Variants in STAT4 observed in about 807,000 individuals in gnomAD.
The protein encoded by STAT4 is signal transducer and activator of transcription 4.
A neutral mutation model predicts 110.5 loss-of-function variants in STAT4; 42 were observed. The observed-to-expected ratio is 0.38, with a 90% confidence interval of 0.30 to 0.49. The LOEUF (loss-of-function observed/expected upper bound fraction) is 0.49, where lower values mean the gene tolerates loss of function less well. STAT4 is among the 20% of genes least tolerant of loss of function. STAT4 has a pLI of 0.95. For missense variants in STAT4, 632 were observed against 887.9 expected, an observed-to-expected ratio of 0.71 and a Z score of 3.66; for synonymous variants, 284 against 302.2, an observed-to-expected ratio of 0.94 and a Z score of 0.63.
Position 191,077,321 on chromosome 2 carries a change from G to C in STAT4, c.274-996C>G, listed in dbSNP as rs780993818. Among the ~76,000 whole-genome samples the C allele has an allele frequency of 4.6e-5, 7 of 152,132 alleles. No individual in the cohort carries two copies. The highest frequency in any genetic ancestry group is 1.0e-4 in the Non-Finnish European group (7 of 68,032). On this transcript the variant is annotated intron_variant, in intron 3 of 23. Transcript: ENST00000392320. This position sits in a 1 kb window ranked among gnomAD's most constrained non-coding sequence, Gnocchi z 4.1. ...AGCACTCATTTACCTTACCTGCAAG[G>C]CCTCTGTAGGTGTCTGAGTTTTCTA...
chr2:191,108,220 G>A (rs1053871558), intron 3 of STAT4, among the ~76,000 whole-genome samples: 5 of 151,814 alleles, frequency 3.3e-5, no homozygotes, highest in African/African-American at 4.8e-5. Context: ...GAACCCGGGA[G>A]GTAGAGGTTA....
At chr2:191,132,810 A>T (rs1038768008) in intron 3 of STAT4, among the ~76,000 whole-genome samples, 1 of 146,058 alleles carries the variant, frequency 6.8e-6, no homozygotes. Context: ...GCTGGAGTGC[A>T]GTGGCGTGAT....
In STAT4 at chr2:191,142,794, G is replaced by A. The variant is rs565248154; in HGVS notation, c.273+3819C>T. Among the ~76,000 whole-genome samples the A allele has an allele frequency of 3.9e-5, 6 of 152,186 alleles. No individual in the cohort carries two copies. The highest frequency in any genetic ancestry group is 2.1e-4 in the South Asian group (1 of 4,818). On this transcript the variant is annotated intron_variant, in intron 3 of 23. Coordinates refer to ENST00000392320, the MANE Select transcript of STAT4 (RefSeq NM_003151.4). The surrounding 1 kb of genome is among the most constrained non-coding windows in gnomAD (Gnocchi z 4.1). ...GAAAAATCCAGAGAGTGAAAAGATC[G>A]GTAGTGTTCAGGGGCTCCGTGGGAA...
intron 3 of STAT4, among the ~76,000 whole-genome samples, chr2:191,097,370 T>C (rs4853459): frequency 0.75 from 113,461 of 151,888 alleles, 42,650 homozygotes; most frequent in Non-Finnish European, 0.77. Flanking sequence ...CTTCAAACTA[T>C]ACTACAAGGC....
Position 191,033,752 on chromosome 2 carries a change from G to T in STAT4, c.1716-126C>A. On this transcript the variant is annotated intron_variant, in intron 19 of 23. Transcript: ENST00000392320. This position sits in a 1 kb window ranked among gnomAD's most constrained non-coding sequence, Gnocchi z 6.9. ...TTCTTACCTGAAATACTCATATATA[G>T]ATTAATATACATAGTGCCACTCCAC... 7.2e-7 allele frequency: 1 copy of T among 1,383,350 alleles called. No individual in the cohort carries two copies. Among genetic ancestry groups the T allele is most frequent in the Non-Finnish European group, 9.8e-7 (1 of 1,017,088 alleles). The allele number at this position is 1,383,350 out of a possible 1,614,324, so 85.7% of individuals were successfully genotyped here. A position where few individuals can be genotyped will look rare whatever the true frequency, so the allele number is the denominator to read the frequency against.
At chr2:191,151,164 A>C (rs1483019564), upstream of STAT4, 1 of 985,448 alleles carries the variant, frequency 1.0e-6, no homozygotes, top group African/African-American at 1.7e-5. This position sits in a 1 kb window ranked among gnomAD's most constrained non-coding sequence, Gnocchi z 4.7. Flanking sequence ...ACACGCAGAA[A>C]CTGCCAGGCT....
intron 3 of STAT4, among the ~76,000 whole-genome samples, chr2:191,096,275 C>T (rs1697980157): frequency 6.6e-6 from 1 of 152,144 alleles, no homozygotes; most frequent in African/African-American, 2.4e-5. Flanking sequence ...TTTATGAGGC[C>T]AGCATCATCC....
chr2:191,058,066 A>T lies in STAT4; in HGVS notation c.1158T>A (p.Ser386=). The change falls in exon 13 of 24, where the codon TCT becomes TCA. Residue 386 remains serine, a synonymous_variant. Coordinates refer to ENST00000392320, the MANE Select transcript of STAT4 (RefSeq NM_003151.4). The surrounding 1 kb of genome is among the most constrained non-coding windows in gnomAD (Gnocchi z 4.3). ...GACTCCCATTGGAAGATTCTTCAAT[A>T]GACATGGCTTTGACATTAGTTCCAC... is the stretch of plus-strand genomic sequence containing the variant. ...VLCGTNVKAM[S]IEESSNGSLS... 6.2e-7 allele frequency: 1 copy of T among 1,614,128 alleles called. No homozygotes were observed. Among genetic ancestry groups the T allele is most frequent in the Non-Finnish European group, 8.5e-7 (1 of 1,180,002 alleles).
intron 4 of STAT4, among the ~76,000 whole-genome samples, chr2:191,075,668 T>C (rs531238426): frequency 1.7e-4 from 26 of 152,136 alleles, no homozygotes; most frequent in African/African-American, 5.3e-4. Flanking sequence ...ATTCCAGACA[T>C]ACACTCTGGA....
chr2:191,082,331 A>G lies in STAT4; in HGVS notation c.274-6006T>C. 6.6e-6 allele frequency among the ~76,000 whole-genome samples: 1 copy of G among 152,202 alleles called. No individual in the cohort carries two copies. The highest frequency in any genetic ancestry group is 1.5e-5 in the Non-Finnish European group (1 of 68,030). ...TCCCGTCCCTTTCTGCATACATAAT[A>G]ACTATTTGTTTGAATCCTAAATTAT... On this transcript the variant is annotated intron_variant, in intron 3 of 23. Coordinates refer to ENST00000392320, the MANE Select transcript of STAT4 (RefSeq NM_003151.4). This position sits in a 1 kb window ranked among gnomAD's most constrained non-coding sequence, Gnocchi z 4.7.
Position 191,113,191 on chromosome 2 carries a change from C to T in STAT4, c.273+33422G>A, listed in dbSNP as rs1698474280. 6.6e-6 allele frequency among the ~76,000 whole-genome samples: 1 copy of T among 152,256 alleles called. No homozygotes were observed. The highest frequency in any genetic ancestry group is 2.4e-5 in the African/African-American group (1 of 41,480). ...TACAATTACAGCCAGTGCTGGCAGA[C>T]ATTACTGGTGCCACTCATTCATTTG... On this transcript the variant is annotated intron_variant, in intron 3 of 23. Coordinates refer to ENST00000392320, the MANE Select transcript of STAT4 (RefSeq NM_003151.4). This position sits in a 1 kb window ranked among gnomAD's most constrained non-coding sequence, Gnocchi z 4.8.
rs1388626644 is a variant in STAT4, at chr2:191,042,073, C to A, written c.1252-925G>T. ...AAAGGTATCTGGGAAGTTTGCCAGA[C>A]CAAGGGAGGTAACATACAGCTACTG... On this transcript the variant is annotated intron_variant, in intron 14 of 23. Transcript: ENST00000392320. The surrounding 1 kb of genome is among the most constrained non-coding windows in gnomAD (Gnocchi z 4.2). Among the ~76,000 whole-genome samples the A allele has an allele frequency of 6.6e-6, 1 of 152,138 alleles. No homozygotes were observed. Among genetic ancestry groups the A allele is most frequent in the African/African-American group, 2.4e-5 (1 of 41,434 alleles).
Position 191,147,880 on chromosome 2 carries a change from C to T in STAT4, c.128+196G>A, listed in dbSNP as rs1286361899. ...AGAAAAGAAGCACTGGAACCATTAA[C>T]TTTTCATTTACAATGAATGGAACCA... On this transcript the variant is annotated intron_variant, in intron 2 of 23. Coordinates refer to ENST00000392320, the MANE Select transcript of STAT4 (RefSeq NM_003151.4). The surrounding 1 kb of genome is among the most constrained non-coding windows in gnomAD (Gnocchi z 4.1). 6.6e-6 allele frequency among the ~76,000 whole-genome samples: 1 copy of T among 152,128 alleles called. No homozygotes were observed. The highest frequency in any genetic ancestry group is 1.5e-5 in the Non-Finnish European group (1 of 68,004).
At chr2:191,124,475 A>C (rs1353627508) in intron 3 of STAT4, among the ~76,000 whole-genome samples, 1 of 139,882 alleles carries the variant, frequency 7.1e-6, no homozygotes, top group African/African-American at 2.7e-5. Context: ...AAAAAAAAAA[A>C]GACACTGAGC....
chr2:191,074,934 G>A (rs1697269270), intron 4 of STAT4, among the ~76,000 whole-genome samples: 1 of 152,160 alleles, frequency 6.6e-6, no homozygotes, highest in Middle Eastern at 3.2e-3. Flanking sequence ...GTCAAGGTGG[G>A]AAGATCACTT....
intron 3 of STAT4, among the ~76,000 whole-genome samples, chr2:191,115,819 A>G (rs1698554830): frequency 6.6e-6 from 1 of 152,178 alleles, no homozygotes; most frequent in African/African-American, 2.4e-5. Flanking sequence ...ATTTTCCTGT[A>G]TATGTTATGC....
chr2:191,123,421 T>A (rs1383356654), intron 3 of STAT4, among the ~76,000 whole-genome samples: 4 of 152,316 alleles, frequency 2.6e-5, no homozygotes, highest in African/African-American at 9.6e-5. Flanking sequence ...GTCTCCCTCC[T>A]TCTGCTAAAA....
In STAT4 at chr2:191,059,871, C is replaced by T. The variant is rs1447111842; in HGVS notation, c.1035-1102G>A. Reference sequence around the variant, plus strand: ...AGAAGGGGGCATAGTCACATAAAATCAGGCCAGATGTTTTTCCTCTCCACC... The same window carrying T: ...AGAAGGGGGCATAGTCACATAAAATTAGGCCAGATGTTTTTCCTCTCCACC... On this transcript the variant is annotated intron_variant, in intron 10 of 23. Transcript: ENST00000392320. The surrounding 1 kb of genome is among the most constrained non-coding windows in gnomAD (Gnocchi z 4.7). Among the ~76,000 whole-genome samples the T allele has an allele frequency of 6.6e-6, 1 of 152,196 alleles. No individual in the cohort carries two copies. The highest frequency in any genetic ancestry group is 2.4e-5 in the African/African-American group (1 of 41,444).
Position 191,058,901 on chromosome 2 carries a change from A to G in STAT4, c.1035-132T>C. ...TAAACCTTACATTATCTACAGTTAT[A>G]TGTTAGTGTGTTTTAAAAATGTATA... On this transcript the variant is annotated intron_variant, in intron 10 of 23. Coordinates refer to ENST00000392320, the MANE Select transcript of STAT4 (RefSeq NM_003151.4). This position sits in a 1 kb window ranked among gnomAD's most constrained non-coding sequence, Gnocchi z 4.3. 1.8e-6 allele frequency: 1 copy of G among 562,226 alleles called. No homozygotes were observed. Among genetic ancestry groups the G allele is most frequent in the South Asian group, 2.7e-5 (1 of 37,668 alleles). The allele number at this position is 562,226 out of a possible 1,614,324, so 34.8% of individuals were successfully genotyped here. A position where few individuals can be genotyped will look rare whatever the true frequency, so the allele number is the denominator to read the frequency against.
Sources: allele counts gnomAD v4.1 joint callset (sites outside exome capture counted in the v4.1 genomes callset), GRCh38; gene constraint gnomAD v4.1.1; non-coding constraint Gnocchi (gnomAD v3.1); transcripts MANE v1.5; gene names NCBI Gene and HGNC (gene_info 2026-07-23, HGNC 2026-07-21).